FARP1: variants seen among roughly 807,000 people sequenced by gnomAD.
FARP1 encodes the protein FERM, ARH/RhoGEF and pleckstrin domain protein 1.
FARP1 carries 52 observed loss-of-function variants against 128.8 expected under a neutral mutation model. The observed-to-expected ratio is 0.40, with a 90% CI of 0.32 to 0.51. FARP1 has a LOEUF of 0.51. FARP1 is among the 20% of genes least tolerant of loss of function. FARP1 has a pLI of 0.45. For synonymous variants in FARP1, 580 were observed against 551.8 expected (o/e 1.05, Z -0.72); for missense variants, 1,333 against 1,367.9 (o/e 0.97, Z 0.40).
chr13:98,231,247 C>T lies in FARP1; in HGVS notation c.171+17834C>T, dbSNP rs141688380. On this transcript the variant is annotated intron_variant, in intron 2 of 26. Transcript: ENST00000319562. ...TGCTTCGGCCAAGCTGATATTTGGA[C>T]GGAGGACACAGAAAATAAATTCTTA... 1.3e-3 allele frequency among the ~76,000 whole-genome samples: 204 copies of T among 151,422 alleles called. 2 individuals carry two copies. The highest frequency in any genetic ancestry group is 5.9e-3 in the South Asian group (28 of 4,784).
At chr13:98,423,949 C>T (rs555433487) in intron 16 of FARP1, among the ~76,000 whole-genome samples, 1 of 152,150 alleles carries the variant, frequency 6.6e-6, no homozygotes, top group South Asian at 2.1e-4. Context: ...GGGACCATGG[C>T]CCTCCCCTCC....
At chr13:98,299,719 T>G (rs1352139359) in intron 2 of FARP1, among the ~76,000 whole-genome samples, 1 of 152,202 alleles carries the variant, frequency 6.6e-6, no homozygotes, top group Non-Finnish European at 1.5e-5. Flanking sequence ...TCACTTTATT[T>G]GAGAGCTTAG....
intron 2 of FARP1, among the ~76,000 whole-genome samples, chr13:98,318,974 G>GTTTTTTTT (rs1886871945): frequency 1.3e-5 from 1 of 74,214 alleles, no homozygotes; most frequent in East Asian, 5.0e-4. Flanking sequence ...TTTTTTGTTT[G>GTTTTTTTT]TTTGTTTTGA....
At chr13:98,413,334 A>G (rs1217958701) in intron 16 of FARP1, among the ~76,000 whole-genome samples, 1 of 152,192 alleles carries the variant, frequency 6.6e-6, no homozygotes, top group Non-Finnish European at 1.5e-5. Flanking sequence ...TCTTGGTATT[A>G]TGAATATAAG....
intron 2 of FARP1, among the ~76,000 whole-genome samples, chr13:98,311,900 G>A (rs994134095): frequency 6.6e-6 from 1 of 150,698 alleles, no homozygotes; most frequent in Non-Finnish European, 1.5e-5. Flanking sequence ...CTGGAGTATA[G>A]TGGCACGATC....
At position 98,176,240 on chromosome 13, in the gene FARP1, G is replaced by C. The variant is rs778897644; in HGVS notation, c.-24+32748G>C. The C allele has an allele frequency of 6.2e-6, 10 of 1,602,678 alleles. No individual in the cohort carries two copies. In the African/African-American group the frequency reaches 6.7e-5, roughly 11 times the overall value. On this transcript the variant is annotated intron_variant, in intron 1 of 26. Transcript: ENST00000319562. This position sits in a 1 kb window ranked among gnomAD's most constrained non-coding sequence, Gnocchi z 6.2. The stretch of plus-strand genomic sequence containing the variant: ...TGGGAAACCTAAGCCATGGGAATTG[G>C]ACACTCATGGGGGTCTTCTGTGAAA...
intron 1 of FARP1, among the ~76,000 whole-genome samples, chr13:98,165,921 T>C (rs535759101): frequency 8.0e-4 from 122 of 152,138 alleles, no homozygotes; most frequent in Non-Finnish European, 1.5e-3. Flanking sequence ...GGTTTTGCCA[T>C]GTTGGCCAGG....
At chr13:98,270,953 G>A (rs1221788618) in intron 2 of FARP1, among the ~76,000 whole-genome samples, 3 of 152,104 alleles carry the variant, frequency 2.0e-5, no homozygotes, top group East Asian at 3.9e-4. Flanking sequence ...GTTTCTTCAC[G>A]GTTTTACATT....
chr13:98,367,418 G>T (rs1481448625), intron 4 of FARP1, among the ~76,000 whole-genome samples: 1 of 151,884 alleles, frequency 6.6e-6, no homozygotes, highest in Non-Finnish European at 1.5e-5. Context: ...CAAATTGCTG[G>T]CATGACAGGT....
intron 1 of FARP1, among the ~76,000 whole-genome samples, chr13:98,162,033 G>A (rs1224332556): frequency 6.6e-6 from 1 of 152,110 alleles, no homozygotes; most frequent in African/African-American, 2.4e-5. Context: ...TCTCCTCTTA[G>A]CCTCCCAAAG....
intron 1 of FARP1, among the ~76,000 whole-genome samples, chr13:98,190,005 G>A (rs921505321): frequency 4.6e-5 from 7 of 152,170 alleles, no homozygotes; most frequent in Non-Finnish European, 8.8e-5. Context: ...TTTAGTGACC[G>A]AAGATTGCCC....
intron 2 of FARP1, among the ~76,000 whole-genome samples, chr13:98,248,621 C>T (rs1382453485): frequency 6.6e-6 from 1 of 152,090 alleles, no homozygotes; most frequent in Non-Finnish European, 1.5e-5. Context: ...ATTTGTAGTC[C>T]CCAAATCAAG....
rs193130729 is a variant in FARP1, at chr13:98,435,925, C to G, written c.2274+219C>G. ...CCTCTGACCTCATATTCTGCTTTTT[C>G]TCCTTACGGGGTGATTCGCTTCTTT... is the stretch of plus-strand genomic sequence containing the variant. On this transcript the variant is annotated intron_variant, in intron 19 of 26. Transcript: ENST00000319562. 4.2e-4 allele frequency: 271 copies of G among 645,690 alleles called. 1 individual carries two copies. The African/African-American group carries it at 4.6e-3, about 11-fold the overall frequency. 40.0% of individuals were successfully genotyped at this position (645,690 alleles called of 1,614,324 possible).
At chr13:98,437,691 G>A in intron 19 of FARP1, 1 of 774,648 alleles carries the variant, frequency 1.3e-6, no homozygotes, top group Non-Finnish European at 2.3e-6. Flanking sequence ...GGAGGGCTGT[G>A]TCCTGGACCG....
rs1377503340 is a variant in FARP1 at position 98,439,992 on chromosome 13, C to T, written c.2465C>T (p.Pro822Leu). 2 of 1,595,220 alleles carry T rather than the reference C, an allele frequency of 1.3e-6. No individual in the cohort carries two copies. Among genetic ancestry groups the T allele is most frequent in the Non-Finnish European group, 1.7e-6 (2 of 1,167,428 alleles). Residue 822 changes from proline to leucine, a missense_variant, in exon 22 of 27, where the codon CCC becomes CTC. Physicochemically the swap from Pro to Leu is moderately conservative, Grantham distance 98 (BLOSUM62 -3). Coordinates refer to ENST00000319562, the MANE Select transcript of FARP1 (RefSeq NM_005766.4). ...GAGAGCGAAGACGAGTGGGGGGTGC[C>T]CCACTGCCTGACCCTCCGGGGCCAG... The part of the protein sequence containing the change: ...IEESEDEWGV[P>L]HCLTLRGQRQ...
intron 1 of FARP1, among the ~76,000 whole-genome samples, chr13:98,155,343 CAAAAA>C (rs67425847): frequency 3.1e-5 from 2 of 64,550 alleles, no homozygotes. Context: ...AACTCTGTCT[CAAAAA>C]AAAAAAAAAA....
At chr13:98,212,572 A>G (rs1188438930) in intron 1 of FARP1, among the ~76,000 whole-genome samples, 1 of 147,812 alleles carries the variant, frequency 6.8e-6, no homozygotes, top group African/African-American at 2.5e-5. Context: ...TGTTGATAGT[A>G]TAGTATAGTG....
rs189282515 is a variant in FARP1, at chr13:98,372,569, C to T, written c.398+4374C>T. On this transcript the variant is annotated intron_variant, in intron 5 of 26. Coordinates refer to ENST00000319562, the MANE Select transcript of FARP1 (RefSeq NM_005766.4). ...CATGCTGCTCTGCGCCCTGCACGCCCTACTGAAGTGTTCTCTTAGACTGCA... is the reference window on the plus strand; with the variant it reads ...CATGCTGCTCTGCGCCCTGCACGCCTTACTGAAGTGTTCTCTTAGACTGCA... 1.1e-3 allele frequency among the ~76,000 whole-genome samples: 165 copies of T among 152,290 alleles called. 2 individuals are homozygous for T. The South Asian group carries it at 0.024, about 22-fold the overall frequency.
intron 24 of FARP1, among the ~76,000 whole-genome samples, chr13:98,444,279 G>C (rs1892682844): frequency 6.6e-6 from 1 of 152,146 alleles, no homozygotes; most frequent in African/African-American, 2.4e-5. Context: ...CAGAGACCCT[G>C]TGTCCATGTG....
Sources: allele counts gnomAD v4.1 joint callset (sites outside exome capture counted in the v4.1 genomes callset), GRCh38; gene constraint gnomAD v4.1.1; non-coding constraint Gnocchi (gnomAD v3.1); transcripts MANE v1.5; gene names NCBI Gene and HGNC (gene_info 2026-07-23, HGNC 2026-07-21).